STK24: variants seen among roughly 807,000 people sequenced by gnomAD.
STK24 encodes the protein serine/threonine-protein kinase 24.
In STK24, 21 loss-of-function variants were observed where a neutral mutation model predicts 55.6. The observed-to-expected ratio is 0.38, with a 90% CI of 0.27 to 0.54. The LOEUF (loss-of-function observed/expected upper bound fraction) is 0.54, where lower values mean the gene tolerates loss of function less well. Among genes scored for constraint, STK24 ranks in the 20% least tolerant of loss-of-function variants. STK24 has a pLI of 0.79. For missense variants in STK24, 383 were observed against 538.4 expected (o/e 0.71, Z 2.86); for synonymous variants, 200 against 215.2 (o/e 0.93, Z 0.62).
At chr13:98,527,575 C>T (rs905014201) in intron 1 of STK24, among the ~76,000 whole-genome samples, 14 of 152,332 alleles carry the variant, frequency 9.2e-5, no homozygotes, top group Admixed American at 5.9e-4. Flanking sequence ...CACGGGCCAC[C>T]GGCACCCCCT....
chr13:98,545,483 A>T (rs1359644973), intron 1 of STK24, among the ~76,000 whole-genome samples: 1 of 152,038 alleles, frequency 6.6e-6, no homozygotes, highest in African/African-American at 2.4e-5. Flanking sequence ...AAATACAAAA[A>T]ATTAGCCAGG....
chr13:98,483,439 T>C (rs1172519213), intron 2 of STK24, among the ~76,000 whole-genome samples: 1 of 152,096 alleles, frequency 6.6e-6, no homozygotes, highest in Non-Finnish European at 1.5e-5. Context: ...TTTGGTCCCT[T>C]TGGGAGAGCA....
At position 98,506,985 on chromosome 13, in the gene STK24, C is replaced by T. The variant is rs114641408; in HGVS notation, c.273+12258G>A. Among the ~76,000 whole-genome samples, 1,325 of 152,278 alleles carry T rather than the reference C, an allele frequency of 8.7e-3. 13 individuals are homozygous for T. The highest frequency in any genetic ancestry group is 0.03 in the African/African-American group (1,234 of 41,574). ...AACCTCACTGGACACATGCAAAGGG[C>T]GTGCTGACCTGTGAGCAGAGGCCTG... On this transcript the variant is annotated intron_variant, in intron 2 of 10. Transcript: ENST00000539966.
chr13:98,490,830 TAA>T (rs141888833), intron 2 of STK24, among the ~76,000 whole-genome samples: 86 of 134,746 alleles, frequency 6.4e-4, no homozygotes, highest in Admixed American at 5.2e-4. Context: ...CAGCCTACAT[TAA>T]AAAAAAAAAA....
chr13:98,537,873 A>G (rs1896778634), intron 1 of STK24, among the ~76,000 whole-genome samples: 1 of 152,076 alleles, frequency 6.6e-6, no homozygotes, highest in African/African-American at 2.4e-5. Flanking sequence ...GATGGGGATA[A>G]CAAGAGTACC....
At chr13:98,574,941 C>T (rs1405321643) in intron 1 of STK24, among the ~76,000 whole-genome samples, 2 of 152,086 alleles carry the variant, frequency 1.3e-5, no homozygotes, top group Non-Finnish European at 2.9e-5. Flanking sequence ...GCCAAAGGGG[C>T]TTTAGTACCT....
intron 1 of STK24, among the ~76,000 whole-genome samples, chr13:98,560,464 CCTT>C (rs1594670655): frequency 6.6e-6 from 1 of 152,178 alleles, no homozygotes; most frequent in African/African-American, 2.4e-5. Flanking sequence ...CTGCAAATCT[CCTT>C]CTCATCTGAG....
intron 1 of STK24, among the ~76,000 whole-genome samples, chr13:98,553,058 G>T (rs78139554): frequency 0.016 from 2,380 of 152,262 alleles, 61 homozygotes; most frequent in African/African-American, 0.049. Context: ...CCGTGGGTGT[G>T]GGAGCCAAGG....
At chr13:98,564,303 T>C (rs1594673643) in intron 1 of STK24, among the ~76,000 whole-genome samples, 1 of 152,178 alleles carries the variant, frequency 6.6e-6, no homozygotes, top group Non-Finnish European at 1.5e-5. Context: ...TTCTCTCCCC[T>C]GCGGCATCCC....
chr13:98,548,953 T>A, intron 1 of STK24, among the ~76,000 whole-genome samples: 1 of 151,732 alleles, frequency 6.6e-6, no homozygotes, highest in Admixed American at 6.6e-5. Flanking sequence ...GGTATGCCCT[T>A]TAGTAATAAC....
rs1895070885 is a variant in STK24 at position 98,492,246 on chromosome 13, CAAG to C, written c.274-9928_274-9926del. Among the ~76,000 whole-genome samples, 3 of 151,952 alleles carry C rather than the reference CAAG, an allele frequency of 2.0e-5. No homozygotes were observed. In the South Asian group the frequency reaches 6.2e-4, roughly 32 times the overall value. On this transcript the variant is annotated intron_variant, in intron 2 of 10. Coordinates refer to ENST00000539966, the MANE Select transcript of STK24 (RefSeq NM_001032296.4). ...GGGCATCACAACATAATGCCAAAAT[CAAG>C]GAGGAAGAGGAGGAGGAAGAGGTTC...
chr13:98,491,661 C>G (rs1267931708), intron 2 of STK24, among the ~76,000 whole-genome samples: 1 of 150,020 alleles, frequency 6.7e-6, no homozygotes. Flanking sequence ...TCAAGGAAAC[C>G]CACAGCATTA....
chr13:98,530,426 G>C (rs1022845726), intron 1 of STK24, among the ~76,000 whole-genome samples: 4 of 152,120 alleles, frequency 2.6e-5, no homozygotes, highest in African/African-American at 9.7e-5. Context: ...TCTTGGATGT[G>C]GTCTGGGCAG....
intron 7 of STK24, 74 bp downstream of exon 7, chr13:98,463,617 C>A: frequency 6.7e-7 from 1 of 1,491,802 alleles, no homozygotes; most frequent in Non-Finnish European, 8.9e-7. Flanking sequence ...GAAAACGAAA[C>A]CCACACCAAA....
At chr13:98,523,135 C>G (rs563227114) in intron 1 of STK24, among the ~76,000 whole-genome samples, 1 of 152,270 alleles carries the variant, frequency 6.6e-6, no homozygotes, top group Non-Finnish European at 1.5e-5. Context: ...GCTGCTGGTC[C>G]AGGGACCACA....
intron 2 of STK24, among the ~76,000 whole-genome samples, chr13:98,488,676 TC>T (rs1204366615): frequency 6.6e-6 from 1 of 152,158 alleles, no homozygotes; most frequent in Non-Finnish European, 1.5e-5. Context: ...CCATAGCACT[TC>T]CAGGCAAACT....
chr13:98,476,247 C>CCA (rs1555303369), intron 3 of STK24, among the ~76,000 whole-genome samples: 1 of 147,546 alleles, frequency 6.8e-6, no homozygotes, highest in South Asian at 2.2e-4. Context: ...GAAGCCCCCC[C>CCA]CCGCCCCCTG....
intron 1 of STK24, among the ~76,000 whole-genome samples, chr13:98,556,193 T>C (rs977716769): frequency 2.0e-5 from 3 of 152,292 alleles, no homozygotes; most frequent in African/African-American, 7.2e-5. Flanking sequence ...GGGGCATGGA[T>C]TGGCCAGAGC....
At chr13:98,541,840 C>T (rs563796933) in intron 1 of STK24, among the ~76,000 whole-genome samples, 14 of 152,258 alleles carry the variant, frequency 9.2e-5, no homozygotes, top group African/African-American at 2.9e-4. Flanking sequence ...TACTGAAGCC[C>T]GGGGGTTAGC....
Sources: gnomAD v4.1 joint callset for allele counts (sites outside exome capture counted in the v4.1 genomes callset) on GRCh38, gnomAD v4.1.1 for gene constraint, MANE v1.5 for transcripts, NCBI Gene and HGNC (gene_info 2026-07-23, HGNC 2026-07-21) for gene names.